FHIT: variants seen among roughly 807,000 people sequenced by gnomAD.
FHIT encodes the protein fragile histidine triad diadenosine triphosphatase.
Under a neutral mutation model 17.9 loss-of-function variants are expected in FHIT, and 19 were observed. The ratio of observed to expected loss-of-function variants is 1.06; its 90% CI spans 0.74 to 1.56. The LOEUF is 1.56. Among genes scored for constraint, FHIT ranks in the 40% most tolerant of loss-of-function variants. The probability of loss-of-function intolerance (pLI) is 0.00; values close to 1 mark genes in which losing one functional copy is unlikely to be tolerated. For synonymous variants in FHIT, 81 were observed against 69.7 expected, an observed-to-expected ratio of 1.16 and a Z score of -0.81; for missense variants, 248 against 189.2, an observed-to-expected ratio of 1.31 and a Z score of -1.82.
intron 2 of FHIT, among the ~76,000 whole-genome samples, chr3:61,055,088 TTTTGTTTG>T (rs145562388): frequency 6.6e-6 from 1 of 151,738 alleles, no homozygotes. Context: ...TGTTAGTATC[TTTTGTTTG>T]TTTGTTTGTT....
At chr3:60,853,270 T>C (rs572813072) in intron 3 of FHIT, among the ~76,000 whole-genome samples, 12 of 152,164 alleles carry the variant, frequency 7.9e-5, no homozygotes, top group Non-Finnish European at 4.4e-5. Flanking sequence ...CAGCTTTTTC[T>C]TCTAAATAAA....
chr3:60,119,279 G>A (rs539807433), intron 5 of FHIT, among the ~76,000 whole-genome samples: 2 of 151,918 alleles, frequency 1.3e-5, no homozygotes, highest in African/African-American at 4.8e-5. Context: ...CACCATGTTG[G>A]CCAGGCTGGT....
chr3:60,639,563 A>G (rs2039674935), intron 4 of FHIT, among the ~76,000 whole-genome samples: 1 of 152,182 alleles, frequency 6.6e-6, no homozygotes. Context: ...CAAACTAGAA[A>G]TAGACCACAG....
At chr3:60,962,818 G>C (rs1243279451) in intron 3 of FHIT, among the ~76,000 whole-genome samples, 1 of 152,120 alleles carries the variant, frequency 6.6e-6, no homozygotes, top group Non-Finnish European at 1.5e-5. Flanking sequence ...ATGTCCTGCT[G>C]GATTTGTTTT....
At chr3:60,510,330 AG>A (rs967222040) in intron 5 of FHIT, among the ~76,000 whole-genome samples, 8 of 152,320 alleles carry the variant, frequency 5.3e-5, no homozygotes, top group Admixed American at 2.6e-4. Context: ...AGCCCAAAAA[AG>A]GCCAATTATT....
chr3:60,606,337 T>C (rs1446014948), intron 4 of FHIT, among the ~76,000 whole-genome samples: 1 of 151,780 alleles, frequency 6.6e-6, no homozygotes, highest in East Asian at 1.9e-4. Context: ...GCCTCCCGGA[T>C]TCAAGTGATT....
chr3:60,829,339 T>C (rs1702236729), intron 3 of FHIT, among the ~76,000 whole-genome samples: 1 of 152,232 alleles, frequency 6.6e-6, no homozygotes, highest in Non-Finnish European at 1.5e-5. Flanking sequence ...ATGCTTTCTC[T>C]GGTCAGACAA....
chr3:61,070,138 C>T (rs1190948991), intron 2 of FHIT, among the ~76,000 whole-genome samples: 9 of 152,282 alleles, frequency 5.9e-5, no homozygotes, highest in African/African-American at 1.4e-4. Context: ...AAATGATCCA[C>T]TCAACTCGGC....
chr3:60,465,029 G>A (rs542152875), intron 5 of FHIT, among the ~76,000 whole-genome samples: 2 of 152,154 alleles, frequency 1.3e-5, no homozygotes, highest in East Asian at 1.9e-4. Context: ...GTTATTGCCT[G>A]TCTTTTGCAT....
At chr3:60,113,907 C>T (rs1704800392) in intron 5 of FHIT, among the ~76,000 whole-genome samples, 1 of 139,680 alleles carries the variant, frequency 7.2e-6, no homozygotes, top group Non-Finnish European at 1.5e-5. Flanking sequence ...GTGGCTGAGG[C>T]AGGAGAATGG....
intron 5 of FHIT, among the ~76,000 whole-genome samples, chr3:60,385,100 G>T (rs1003896705): frequency 2.0e-5 from 3 of 152,160 alleles, no homozygotes; most frequent in Non-Finnish European, 4.4e-5. Flanking sequence ...TATAGCATTT[G>T]CTATATAACC....
intron 4 of FHIT, among the ~76,000 whole-genome samples, chr3:60,760,844 T>G (rs1294747129): frequency 6.6e-6 from 1 of 152,158 alleles, no homozygotes; most frequent in African/African-American, 2.4e-5. Flanking sequence ...CTAGGAATGA[T>G]CCTTTGCCCG....
At chr3:60,124,349 C>T (rs1705442136) in intron 5 of FHIT, among the ~76,000 whole-genome samples, 1 of 151,920 alleles carries the variant, frequency 6.6e-6, no homozygotes, top group South Asian at 2.1e-4. Flanking sequence ...CAAGTATCTG[C>T]CCTAAAACCA....
intron 5 of FHIT, among the ~76,000 whole-genome samples, chr3:60,529,642 G>T (rs1008685790): frequency 2.2e-4 from 34 of 152,256 alleles, no homozygotes; most frequent in Admixed American, 2.2e-3. Flanking sequence ...GACTTGCATG[G>T]AAAGCAGGTC....
intron 5 of FHIT, among the ~76,000 whole-genome samples, chr3:60,072,913 C>T (rs1465534656): frequency 1.3e-5 from 2 of 152,132 alleles, no homozygotes; most frequent in African/African-American, 4.8e-5. Flanking sequence ...TTCTCTGGAC[C>T]CCACACCCAA....
intron 3 of FHIT, among the ~76,000 whole-genome samples, chr3:60,838,035 TG>T (rs1220636925): frequency 1.3e-5 from 2 of 152,364 alleles, no homozygotes; most frequent in African/African-American, 2.4e-5. Context: ...GTTTTTGCTA[TG>T]TTTTTTTCTT....
intron 8 of FHIT, among the ~76,000 whole-genome samples, chr3:59,881,332 A>G (rs973004749): frequency 6.6e-6 from 1 of 152,114 alleles, no homozygotes; most frequent in African/African-American, 2.4e-5. Flanking sequence ...AACATATTTG[A>G]TTATTTACCC....
intron 7 of FHIT, among the ~76,000 whole-genome samples, chr3:59,981,259 C>T (rs1708642166): frequency 6.6e-6 from 1 of 151,978 alleles, no homozygotes; most frequent in Admixed American, 6.6e-5. Flanking sequence ...TAAATTTTAA[C>T]TCAAAGGATT....
chr3:60,247,133 A>T (rs549608720), intron 5 of FHIT, among the ~76,000 whole-genome samples: 1 of 152,134 alleles, frequency 6.6e-6, no homozygotes, highest in Non-Finnish European at 1.5e-5. Flanking sequence ...AATATTGATA[A>T]GTATATGTGG....
Sources: gnomAD v4.1 joint callset for allele counts (sites outside exome capture counted in the v4.1 genomes callset) on GRCh38, gnomAD v4.1.1 for gene constraint, MANE v1.5 for transcripts, NCBI Gene and HGNC (gene_info 2026-07-23, HGNC 2026-07-21) for gene names.